SOX5: variants seen among roughly 807,000 people sequenced by gnomAD.
SOX5 encodes the protein SRY-box transcription factor 5.
In SOX5, 9 loss-of-function variants were observed where a neutral mutation model predicts 92.0. The ratio of observed to expected loss-of-function variants is 0.10; its 90% CI spans 0.06 to 0.17. The LOEUF (loss-of-function observed/expected upper bound fraction) is 0.17, where lower values mean the gene tolerates loss of function less well. Ranked by LOEUF, SOX5 falls within the 10% of genes least tolerant of loss-of-function variation. The probability of loss-of-function intolerance (pLI) is 1.00; values close to 1 mark genes in which losing one functional copy is unlikely to be tolerated. For missense variants in SOX5, 642 were observed against 944.5 expected (o/e 0.68, Z 4.20); for synonymous variants, 344 against 336.3 (o/e 1.02, Z -0.25).
intron 8 of SOX5, among the ~76,000 whole-genome samples, chr12:23,634,925 T>A (rs1175821689): frequency 1.3e-5 from 2 of 152,200 alleles, no homozygotes; most frequent in Non-Finnish European, 2.9e-5. Context: ...TTAAGATTCA[T>A]TCCTCATTCT....
chr12:24,407,803 T>C (rs1434626161), intron 1 of SOX5, among the ~76,000 whole-genome samples: 1 of 152,232 alleles, frequency 6.6e-6, no homozygotes, highest in Non-Finnish European at 1.5e-5. Context: ...CTGTTTCATT[T>C]ACTTTTGAAA....
intron 1 of SOX5, among the ~76,000 whole-genome samples, chr12:24,428,257 G>A (rs1966898404): frequency 6.7e-6 from 1 of 149,402 alleles, no homozygotes; most frequent in Admixed American, 6.7e-5. Context: ...ATACAGAAAT[G>A]ACCTTGCTGG....
chr12:24,527,426 C>A (rs1266922426), intron 1 of SOX5, among the ~76,000 whole-genome samples: 1 of 152,182 alleles, frequency 6.6e-6, no homozygotes, highest in Non-Finnish European at 1.5e-5. Context: ...AAAGTTAAAA[C>A]TTGTTGTGCC....
intron 1 of SOX5, among the ~76,000 whole-genome samples, chr12:24,433,183 T>C (rs1938701130): frequency 6.6e-6 from 1 of 152,200 alleles, no homozygotes; most frequent in African/African-American, 2.4e-5. Flanking sequence ...ACAGTATAAA[T>C]AAAAGAGGGC....
At chr12:24,130,116 G>A (rs1362852422) in intron 4 of SOX5, among the ~76,000 whole-genome samples, 1 of 152,202 alleles carries the variant, frequency 6.6e-6, no homozygotes, top group Non-Finnish European at 1.5e-5. Context: ...ACAAGTGTGA[G>A]AGGGAACTAC....
At chr12:24,148,759 C>T (rs1181274964) in intron 4 of SOX5, among the ~76,000 whole-genome samples, 1 of 150,016 alleles carries the variant, frequency 6.7e-6, no homozygotes, top group East Asian at 2.0e-4. Flanking sequence ...ATATAGTGGC[C>T]CATACATATA....
chr12:24,252,623 G>T (rs1940329512), intron 3 of SOX5, among the ~76,000 whole-genome samples: 1 of 150,766 alleles, frequency 6.6e-6, no homozygotes, highest in Admixed American at 6.6e-5. Flanking sequence ...AAGTCTGCAA[G>T]ATTTGGCTTT....
intron 6 of SOX5, among the ~76,000 whole-genome samples, chr12:23,710,401 C>T (rs1051602498): frequency 6.6e-6 from 1 of 152,164 alleles, no homozygotes; most frequent in African/African-American, 2.4e-5. Context: ...TTCCCCTACC[C>T]CACAACAGGC....
At chr12:24,040,671 G>A (rs745824095) in intron 4 of SOX5, among the ~76,000 whole-genome samples, 21 of 152,310 alleles carry the variant, frequency 1.4e-4, no homozygotes, top group Non-Finnish European at 2.8e-4. Context: ...AGGAGATGGA[G>A]ACCATCCTGG....
intron 3 of SOX5, among the ~76,000 whole-genome samples, chr12:24,263,302 T>G (rs1041395918): frequency 6.7e-6 from 1 of 150,182 alleles, no homozygotes; most frequent in African/African-American, 2.5e-5. Context: ...CCCAGGTGGG[T>G]GGATCATGAG....
rs565210097 is a variant in SOX5, at chr12:24,195,093, C to T, written c.-2+18250G>A. On this transcript the variant is annotated intron_variant, in intron 4 of 4. Transcript: ENST00000446891. ...AATTAAGCGATTCTTTTCCCTAAAA[C>T]ATAAAGCAATTATCTACTAGTTGCA... Among the ~76,000 whole-genome samples the T allele has an allele frequency of 9.0e-5, 13 of 144,244 alleles. No individual in the cohort carries two copies. In the Middle Eastern group the frequency reaches 0.014, roughly 159 times the overall value. 94.6% of individuals were successfully genotyped at this position (144,244 alleles called of 152,430 possible). A position where few individuals can be genotyped will look rare whatever the true frequency, so the allele number is the denominator to read the frequency against.
At chr12:24,207,242 G>C (rs2139623647) in intron 4 of SOX5, among the ~76,000 whole-genome samples, 1 of 152,248 alleles carries the variant, frequency 6.6e-6, no homozygotes, top group East Asian at 1.9e-4. Flanking sequence ...CTTCCTTTTG[G>C]AGCTATCTCA....
chr12:24,485,870 G>T (rs1946465972), intron 1 of SOX5, among the ~76,000 whole-genome samples: 1 of 151,980 alleles, frequency 6.6e-6, no homozygotes, highest in Non-Finnish European at 1.5e-5. Flanking sequence ...TTTCCCTGTA[G>T]GCCTTTTCAA....
chr12:24,330,235 ACAT>A, intron 2 of SOX5, among the ~76,000 whole-genome samples: 1 of 152,234 alleles, frequency 6.6e-6, no homozygotes, highest in South Asian at 2.1e-4. Flanking sequence ...TTATGACAAT[ACAT>A]GTAAAGTTAA....
At chr12:24,219,738 T>A (rs760407264) in intron 3 of SOX5, among the ~76,000 whole-genome samples, 25 of 152,106 alleles carry the variant, frequency 1.6e-4, no homozygotes, top group Non-Finnish European at 2.9e-4. Flanking sequence ...AAGGCTCCAA[T>A]CCCTCATGCA....
chr12:24,316,673 A>T (rs1406542101), intron 2 of SOX5, among the ~76,000 whole-genome samples: 1 of 152,232 alleles, frequency 6.6e-6, no homozygotes, highest in African/African-American at 2.4e-5. Context: ...GGACTGTGCC[A>T]ACTATATTTA....
At position 23,534,272 on chromosome 12, in the gene SOX5, C is replaced by T; in HGVS notation, c.2239G>A (p.Asp747Asn). Residue 747 changes from aspartate (D) to asparagine (N), a missense_variant, in exon 15 of 15, where the codon GAT (aspartate) becomes AAT (asparagine). By Grantham distance (23) the Asp-to-Asn change is conservative. Around this residue, in one of 8 missense-constraint regions of SOX5, gnomAD observed 130 missense variants for 140.6 expected, o/e 0.92. Coordinates refer to ENST00000451604, the MANE Select transcript of SOX5 (RefSeq NM_006940.6). ...DEYDEEEDDP[D>N]VDYGSDSENH... ...TCACTGTCACTCCCATAATCTACATCTGGATCATCCTCTTCCTCGTCGTAC... is the reference window on the plus strand; with the variant it reads ...TCACTGTCACTCCCATAATCTACATTTGGATCATCCTCTTCCTCGTCGTAC... 2.5e-6 allele frequency: 4 copies of T among 1,614,146 alleles called. No individual in the cohort carries two copies. Among genetic ancestry groups the T allele is most frequent in the Middle Eastern group, 1.7e-4 (1 of 6,060 alleles).
At chr12:23,715,945 T>G (rs1354819424) in intron 6 of SOX5, among the ~76,000 whole-genome samples, 1 of 152,106 alleles carries the variant, frequency 6.6e-6, no homozygotes, top group Non-Finnish European at 1.5e-5. Flanking sequence ...AAATTTGGGC[T>G]CAGATTAAAT....
intron 1 of SOX5, among the ~76,000 whole-genome samples, chr12:24,427,044 C>T (rs79255089): frequency 1.3e-5 from 2 of 152,188 alleles, no homozygotes; most frequent in East Asian, 1.9e-4. Context: ...GTTTACATGC[C>T]GTCTCACTTG....
Sources: allele counts gnomAD v4.1 joint callset (sites outside exome capture counted in the v4.1 genomes callset), GRCh38; gene constraint gnomAD v4.1.1; regional missense constraint gnomAD v4.1.1; transcripts MANE v1.5; gene names NCBI Gene and HGNC (gene_info 2026-07-23, HGNC 2026-07-21).